ALDH1L1: variants seen among roughly 807,000 people sequenced by gnomAD.
The protein encoded by ALDH1L1 is cytosolic 10-formyltetrahydrofolate dehydrogenase.
In ALDH1L1, 68 loss-of-function variants were observed where a neutral mutation model predicts 101.1. The ratio of observed to expected loss-of-function variants is 0.67; its 90% CI spans 0.55 to 0.82. The LOEUF is 0.82. Among genes scored for constraint, ALDH1L1 ranks in the 40% least tolerant of loss-of-function variants. The pLI, the probability that ALDH1L1 is intolerant of heterozygous loss-of-function variation, is 0.00. For missense variants in ALDH1L1, 1,087 were observed against 1,172.7 expected (o/e 0.93, Z 1.07); for synonymous variants, 486 against 470.8 (o/e 1.03, Z -0.42).
At chr3:126,108,988 C>G (rs1945982810) in intron 20 of ALDH1L1, among the ~76,000 whole-genome samples, 1 of 152,160 alleles carries the variant, frequency 6.6e-6, no homozygotes, top group Non-Finnish European at 1.5e-5. Flanking sequence ...TGGGAGGCTG[C>G]TGTGACACTG....
At chr3:126,135,705 T>C (rs2080424458) in intron 11 of ALDH1L1, 43 bp from the exon 12 acceptor site, 1 of 1,467,160 alleles carries the variant, frequency 6.8e-7, no homozygotes, top group South Asian at 1.4e-5. Context: ...CCTAAGCCAG[T>C]TGCACACAGA....
chr3:126,132,741 C>T (rs2080339827), intron 12 of ALDH1L1, among the ~76,000 whole-genome samples: 1 of 152,202 alleles, frequency 6.6e-6, no homozygotes. Context: ...TGCCTTTCTT[C>T]ACTCCCCCAC....
Position 126,124,110 on chromosome 3 carries a change from GACACACACACAC to G in ALDH1L1, c.1888+242_1888+253del, listed in dbSNP as rs3841921. On this transcript the variant is annotated intron_variant, in intron 16 of 22. Coordinates refer to ENST00000393434, the MANE Select transcript of ALDH1L1 (RefSeq NM_012190.4). ...TAACAAGTTTATTCCAGGGCGCGCG[GACACACACACAC>G]ACACACACACACACACACACACACA... Among the ~76,000 whole-genome samples, 85 of 148,788 alleles carry G rather than the reference GACACACACACAC, an allele frequency of 5.7e-4. 1 individual carries two copies. Among genetic ancestry groups the G allele is most frequent in the Middle Eastern group, 3.5e-3 (1 of 282 alleles).
At chr3:126,188,609 T>C (rs939576509) in intron 1 of ALDH1L1, among the ~76,000 whole-genome samples, 5 of 152,198 alleles carry the variant, frequency 3.3e-5, no homozygotes, top group Non-Finnish European at 7.3e-5. Context: ...ACTTAGGGCA[T>C]CAGCGCTCCT....
chr3:126,158,723 A>C, intron 2 of ALDH1L1, 84 bp from the exon 3 acceptor site: 11 of 1,323,658 alleles, frequency 8.3e-6, no homozygotes, highest in Non-Finnish European at 1.1e-5. Context: ...AGAGCAGCTC[A>C]TAGGACTTCT....
chr3:126,104,246 G>A (rs35778079), intron 22 of ALDH1L1: 14,083 of 239,304 alleles, frequency 0.059, 524 homozygotes, highest in Middle Eastern at 0.16. Context: ...GGGATGCCTC[G>A]CAGGGCCCTG....
At chr3:126,139,564 C>A (rs923422587) in intron 9 of ALDH1L1, among the ~76,000 whole-genome samples, 8 of 152,082 alleles carry the variant, frequency 5.3e-5, no homozygotes, top group Non-Finnish European at 1.2e-4. Context: ...GAAGAAGGTA[C>A]CCCTGAGGAA....
rs747482271 is a variant in ALDH1L1, at chr3:126,105,768, G to C, written c.2611C>G (p.Pro871Ala). 6 of 1,614,100 alleles carry C rather than the reference G, an allele frequency of 3.7e-6. No homozygotes were observed. The highest frequency in any genetic ancestry group is 2.7e-5 in the African/African-American group (2 of 74,934). The change falls in exon 22 of 23, where the codon CCC (proline) becomes GCC (alanine). Residue 871 changes from proline (P) to alanine (A), a missense_variant. By Grantham distance (27) the Pro-to-Ala change is conservative. Around this residue, in one of 2 missense-constraint regions of ALDH1L1, gnomAD observed 442 missense variants for 535.7 expected, o/e 0.83. Coordinates refer to ENST00000393434, the MANE Select transcript of ALDH1L1 (RefSeq NM_012190.4). ...NTYNKTDVAAPFGGFKQSGFG... is the reference protein window; with the variant it reads ...NTYNKTDVAAAFGGFKQSGFG... ...CCAGACTGTTTGAATCCTCCGAAGGGAGCGGCCACGTCGGTCTTGTTGTAC... is the reference window on the plus strand; with the variant it reads ...CCAGACTGTTTGAATCCTCCGAAGGCAGCGGCCACGTCGGTCTTGTTGTAC...
At position 126,155,480 on chromosome 3, in the gene ALDH1L1, A is replaced by G. The variant is rs1156319225; in HGVS notation, c.552T>C (p.Ala184=). 2 of 1,613,080 alleles carry G rather than the reference A, an allele frequency of 1.2e-6. No individual in the cohort carries two copies. The highest frequency in any genetic ancestry group is 1.7e-5 in the Admixed American group (1 of 59,916). Reference sequence around the variant, plus strand: ...GAGGGAGTCTGGGGGCTTTGCCCTCAGCGATCAGCCTCACGGCCTGCACCT... The same window carrying G: ...GAGGGAGTCTGGGGGCTTTGCCCTCGGCGATCAGCCTCACGGCCTGCACCT... ...KGMVQAVRLI[A]EGKAPRLPQP... Residue 184 remains alanine (A), a synonymous_variant, in exon 5 of 23, where the codon GCT becomes GCC. Transcript: ENST00000393434.
At position 126,124,615 on chromosome 3, in the gene ALDH1L1, T is replaced by TGCCTGCCCA. The variant is rs922861967; in HGVS notation, c.1801-173_1801-165dup. ...CCAGGAAAGCCACCAGAGGGGGCCCTGCCTGCCCAGCCGGTGCGCCCACAG... is the reference window on the plus strand; with the variant it reads ...CCAGGAAAGCCACCAGAGGGGGCCCTGCCTGCCCAGCCTGCCCAGCCGGTGCGCCCACAG... On this transcript the variant is annotated intron_variant, in intron 15 of 22. Transcript: ENST00000393434. Among the ~76,000 whole-genome samples the TGCCTGCCCA allele has an allele frequency of 1.4e-4, 21 of 152,228 alleles. 1 individual carries two copies. Among genetic ancestry groups the TGCCTGCCCA allele is most frequent in the East Asian group, 1.2e-3 (6 of 5,156 alleles).
chr3:126,124,467 G>A lies in ALDH1L1; in HGVS notation c.1801-16C>T, dbSNP rs1576428623. On this transcript the variant is annotated splice_polypyrimidine_tract_variant and intron_variant, in intron 15 of 22. Transcript: ENST00000393434. The stretch of plus-strand genomic sequence containing the variant: ...GTGGGGTCACCTGGGTGTGGGGCCA[G>A]GAAAGGAGACTGGGTAAGGAGGTTT... 5 of 1,606,484 alleles carry A rather than the reference G, an allele frequency of 3.1e-6. No homozygotes were observed. The African/African-American group carries it at 6.7e-5, about 22-fold the overall frequency.
At chr3:126,134,574 C>T (rs528367767) in intron 12 of ALDH1L1, among the ~76,000 whole-genome samples, 80 of 152,362 alleles carry the variant, frequency 5.3e-4, no homozygotes, top group Non-Finnish European at 1.0e-3. Flanking sequence ...CACAGCCCTC[C>T]CTGCCCCAAC....
intron 1 of ALDH1L1, among the ~76,000 whole-genome samples, chr3:126,178,967 T>C (rs1177617906): frequency 6.6e-6 from 1 of 151,166 alleles, no homozygotes; most frequent in East Asian, 1.9e-4. Flanking sequence ...AGTATGTCGT[T>C]CCCCCCCTGC....
rs969123884 is a variant in ALDH1L1 at position 126,158,267 on chromosome 3, C to T, written c.362+138G>A. 8.8e-5 allele frequency: 68 copies of T among 773,228 alleles called. 1 individual carries two copies. Among genetic ancestry groups the T allele is most frequent in the Non-Finnish European group, 1.2e-4 (59 of 482,896 alleles). The allele number at this position is 773,228 out of a possible 1,614,324, so 47.9% of individuals were successfully genotyped here. ...GCACAGCCTGTTCTGTGGCTGACAT[C>T]TGGCAGCCACAGGACAGGCACCTGC... On this transcript the variant is annotated intron_variant, in intron 3 of 22. Transcript: ENST00000393434.
chr3:126,108,529 C>T (rs1945965545), intron 20 of ALDH1L1, among the ~76,000 whole-genome samples: 1 of 152,232 alleles, frequency 6.6e-6, no homozygotes, highest in Non-Finnish European at 1.5e-5. Context: ...CCCCCAACCC[C>T]ACCTGCCTCA....
chr3:126,157,232 C>A, intron 4 of ALDH1L1, 111 bp downstream of exon 4: 1 of 1,354,522 alleles, frequency 7.4e-7, no homozygotes, highest in South Asian at 1.5e-5. Flanking sequence ...CCTCCAGAAT[C>A]CTGAATTTGG....
chr3:126,170,762 G>T (rs1299169158), intron 1 of ALDH1L1, among the ~76,000 whole-genome samples: 1 of 152,306 alleles, frequency 6.6e-6, no homozygotes, highest in East Asian at 1.9e-4. Flanking sequence ...TTAAATTCCA[G>T]CTCCCTTTCT....
rs772324615 is a variant in ALDH1L1 at position 126,131,437 on chromosome 3, C to G, written c.1570G>C (p.Gly524Arg). 1 of 1,613,242 alleles carries G rather than the reference C, an allele frequency of 6.2e-7. No individual in the cohort carries two copies. Among genetic ancestry groups the G allele is most frequent in the Non-Finnish European group, 8.5e-7 (1 of 1,179,376 alleles). Residue 524 changes from glycine to arginine, a missense_variant, in exon 13 of 23, where the codon GGC becomes CGC. By Grantham distance (125) the Gly-to-Arg change is moderately radical (BLOSUM62 -2). Transcript: ENST00000393434. Reference sequence around the variant, plus strand: ...TAGCGGAAGGTCTGGATGGACATGCCCACGTGGGTCTTCAGGGCCAGCGTG... The same window carrying G: ...TAGCGGAAGGTCTGGATGGACATGCGCACGTGGGTCTTCAGGGCCAGCGTG... The part of the protein sequence containing the change: ...VYTLALKTHV[G>R]MSIQTFRYFA...
At chr3:126,135,475 C>G in intron 12 of ALDH1L1, 60 bp downstream of exon 12, 1 of 1,537,408 alleles carries the variant, frequency 6.5e-7, no homozygotes, top group Non-Finnish European at 8.7e-7. Flanking sequence ...AAGTCCCCCC[C>G]GTGCCACTGC....
Sources: allele counts gnomAD v4.1 joint callset (sites outside exome capture counted in the v4.1 genomes callset), GRCh38; gene constraint gnomAD v4.1.1; regional missense constraint gnomAD v4.1.1; transcripts MANE v1.5; gene names NCBI Gene and HGNC (gene_info 2026-07-23, HGNC 2026-07-21).